IL1RAPL2: variants seen among roughly 807,000 people sequenced by gnomAD.
IL1RAPL2 encodes interleukin 1 receptor accessory protein like 2, also known as X-linked interleukin-1 receptor accessory protein-like 2.
In IL1RAPL2, 3 loss-of-function variants were observed where a neutral mutation model predicts 44.1. That is an observed-to-expected ratio of 0.07 (90% CI 0.03 to 0.18). IL1RAPL2 has a LOEUF of 0.18. Among genes scored for constraint, IL1RAPL2 ranks in the 10% least tolerant of loss-of-function variants. The probability of loss-of-function intolerance (pLI) is 1.00; values close to 1 mark genes in which losing one functional copy is unlikely to be tolerated. For synonymous variants in IL1RAPL2, 181 were observed against 178.8 expected (o/e 1.01, Z -0.10); for missense variants, 391 against 496.4 (o/e 0.79, Z 2.02).
chrX:104,585,371 T>TATATA (rs1928533618), intron 1 of IL1RAPL2, among the ~76,000 whole-genome samples: 1 of 22,200 alleles, frequency 4.5e-5, no homozygotes, highest in Non-Finnish European at 6.4e-5. Flanking sequence ...TTATATATAT[T>TATATA]ATATATAATA....
chrX:105,252,538 C>T (rs2034278902), intron 4 of IL1RAPL2, among the ~76,000 whole-genome samples: 1 of 111,641 alleles, frequency 9.0e-6, no homozygotes, highest in Admixed American at 9.5e-5. Flanking sequence ...TTAGAAGGTC[C>T]TTGAGTATAT....
At chrX:105,239,670 A>G (rs1372477311) in intron 4 of IL1RAPL2, among the ~76,000 whole-genome samples, 5 of 101,328 alleles carry the variant, frequency 4.9e-5, no homozygotes, top group Non-Finnish European at 9.5e-5. Context: ...GTATAGTTCC[A>G]TAAGTGTGGA....
chrX:104,878,058 C>T (rs1170339335), intron 2 of IL1RAPL2, among the ~76,000 whole-genome samples: 1 of 111,679 alleles, frequency 9.0e-6, no homozygotes, highest in African/African-American at 3.3e-5. Context: ...TTATACTTCC[C>T]TTACTGATAC....
chrX:104,753,490 A>G (rs180824385), intron 2 of IL1RAPL2, among the ~76,000 whole-genome samples: 105 of 111,494 alleles, frequency 9.4e-4, no homozygotes, highest in African/African-American at 3.3e-3. Flanking sequence ...AAAACATCCG[A>G]GTATTTTTCT....
At chrX:104,585,326 ATAATATATATTATATATTATATATATT>A (rs1928518305) in intron 1 of IL1RAPL2, among the ~76,000 whole-genome samples, 1 of 19,459 alleles carries the variant, frequency 5.1e-5, no homozygotes, top group Non-Finnish European at 7.1e-5. Flanking sequence ...TATATTATAT[ATAATATATATTATATATTATATATATT>A]ATATATATTA....
intron 2 of IL1RAPL2, among the ~76,000 whole-genome samples, chrX:104,904,759 A>G (rs1238272924): frequency 9.1e-6 from 1 of 109,753 alleles, no homozygotes; most frequent in Non-Finnish European, 1.9e-5. Flanking sequence ...GCTGCAATAA[A>G]CATACATGTG....
At chrX:104,792,909 A>G (rs1394594058) in intron 2 of IL1RAPL2, among the ~76,000 whole-genome samples, 1 of 112,461 alleles carries the variant, frequency 8.9e-6, no homozygotes, top group Admixed American at 9.4e-5. Context: ...TACCCAAAAG[A>G]AGCAAGACCA....
At chrX:104,886,884 G>C (rs1484832626) in intron 2 of IL1RAPL2, among the ~76,000 whole-genome samples, 1 of 112,085 alleles carries the variant, frequency 8.9e-6, no homozygotes, top group Non-Finnish European at 1.9e-5. Context: ...CCTTCAGTAT[G>C]TGGATGAATT....
intron 2 of IL1RAPL2, among the ~76,000 whole-genome samples, chrX:104,991,890 G>A (rs1337255765): frequency 9.0e-6 from 1 of 111,675 alleles, no homozygotes; most frequent in Non-Finnish European, 1.9e-5. Flanking sequence ...GTGGGTTATT[G>A]GTCATATGTG....
intron 5 of IL1RAPL2, among the ~76,000 whole-genome samples, chrX:105,376,603 A>C (rs1412570887): frequency 9.0e-6 from 1 of 111,687 alleles, no homozygotes; most frequent in Non-Finnish European, 1.9e-5. Flanking sequence ...TTTTTCAGAA[A>C]TTATCACTAT....
At chrX:105,552,577 T>C (rs1569453466) in intron 6 of IL1RAPL2, among the ~76,000 whole-genome samples, 1 of 112,092 alleles carries the variant, frequency 8.9e-6, no homozygotes, top group Non-Finnish European at 1.9e-5. Flanking sequence ...CTTCCAGGCA[T>C]GACACATAAA....
At chrX:104,891,136 C>G (rs918204323) in intron 2 of IL1RAPL2, among the ~76,000 whole-genome samples, 3 of 111,217 alleles carry the variant, frequency 2.7e-5, no homozygotes, top group Non-Finnish European at 5.7e-5. Context: ...TCTGAGGGCT[C>G]TGTTCTGTTC....
intron 2 of IL1RAPL2, among the ~76,000 whole-genome samples, chrX:104,919,938 G>A (rs758498617): frequency 1.6e-3 from 177 of 110,815 alleles, no homozygotes; most frequent in Admixed American, 3.1e-3. Context: ...TGTCTGTTTT[G>A]TGTGACTTGT....
chrX:105,293,351 A>T (rs1226923720), intron 5 of IL1RAPL2, among the ~76,000 whole-genome samples: 8 of 111,739 alleles, frequency 7.2e-5, no homozygotes, highest in African/African-American at 2.6e-4. Flanking sequence ...TAGATATTTC[A>T]CTTTTATGTG....
chrX:105,643,662 TAC>T (rs1250067610), intron 6 of IL1RAPL2, among the ~76,000 whole-genome samples: 8 of 111,807 alleles, frequency 7.2e-5, no homozygotes, highest in African/African-American at 2.6e-4. Context: ...GACAAAGTTT[TAC>T]ACAGTGTCAG....
chrX:105,233,842 G>A lies in IL1RAPL2; in HGVS notation c.381G>A (p.Val127=). The A allele has an allele frequency of 8.3e-7, 1 of 1,207,340 alleles. No homozygotes were observed. The part of the protein sequence containing the change: ...VLRNSTYCMK[V]SMSLTVAENE... ...GAAACTCAACATATTGCATGAAGGTGTCAATGTCCTTGACTGTTGCAGAGA... is the reference window on the plus strand; with the variant it reads ...GAAACTCAACATATTGCATGAAGGTATCAATGTCCTTGACTGTTGCAGAGA... Residue 127 remains valine (V), a synonymous_variant, in exon 4 of 11, where the codon GTG becomes GTA. Transcript: ENST00000372582.
chrX:105,528,560 A>G (rs2036609520), intron 6 of IL1RAPL2, among the ~76,000 whole-genome samples: 1 of 111,811 alleles, frequency 8.9e-6, no homozygotes, highest in African/African-American at 3.2e-5. Flanking sequence ...GAAAATTACA[A>G]TGAACACTTA....
chrX:104,950,775 C>T (rs866730646), intron 2 of IL1RAPL2, among the ~76,000 whole-genome samples: 4 of 110,024 alleles, frequency 3.6e-5, no homozygotes, highest in Middle Eastern at 4.6e-3. Context: ...GGCACAATCT[C>T]GGCTCACTGC....
chrX:104,828,212 G>T (rs1305144726), intron 2 of IL1RAPL2, among the ~76,000 whole-genome samples: 3 of 111,948 alleles, frequency 2.7e-5, no homozygotes, highest in East Asian at 2.8e-4. Context: ...AGGCATTTTG[G>T]TTTTTTGAAT....
Sources: gnomAD v4.1 joint callset for allele counts (sites outside exome capture counted in the v4.1 genomes callset) on GRCh38, gnomAD v4.1.1 for gene constraint, MANE v1.5 for transcripts, NCBI Gene and HGNC (gene_info 2026-07-23, HGNC 2026-07-21) for gene names.